The following ARID4B variants were observed in gnomAD, a reference collection of about 807,000 sequenced individuals.
ARID4B encodes the protein AT-rich interaction domain 4B.
In ARID4B, 26 loss-of-function variants were observed where a neutral mutation model predicts 147.5. The ratio of observed to expected loss-of-function variants is 0.18; its 90% CI spans 0.13 to 0.24. The LOEUF (loss-of-function observed/expected upper bound fraction) is 0.24. Among genes scored for constraint, ARID4B ranks in the 10% least tolerant of loss-of-function variants. ARID4B has a pLI of 1.00. For synonymous variants in ARID4B, 512 were observed against 507.9 expected (o/e 1.01, Z -0.11); for missense variants, 1,179 against 1,511.5 (o/e 0.78, Z 3.65).
At chr1:235,215,929 C>T (rs1667043015) in intron 16 of ARID4B, among the ~76,000 whole-genome samples, 2 of 151,770 alleles carry the variant, frequency 1.3e-5, no homozygotes, top group South Asian at 4.2e-4. Flanking sequence ...ACTTCCTCCA[C>T]TGAAAATTTC....
At chr1:235,185,655 G>A (rs373842323) in intron 19 of ARID4B, among the ~76,000 whole-genome samples, 1 of 152,122 alleles carries the variant, frequency 6.6e-6, no homozygotes, top group East Asian at 1.9e-4. Flanking sequence ...AATATTCATC[G>A]TCCTTACTTA....
At chr1:235,201,750 G>T (rs950307513) in intron 17 of ARID4B, among the ~76,000 whole-genome samples, 1 of 152,018 alleles carries the variant, frequency 6.6e-6, no homozygotes, top group African/African-American at 2.4e-5. Context: ...TGGGCACGGT[G>T]GCGCATGTCT....
At position 235,167,703 on chromosome 1, in the gene ARID4B, CTGTTA is replaced by C. The variant is rs1663054357; in HGVS notation, c.*817_*821del. On this transcript the variant is annotated 3_prime_UTR_variant, in exon 24 of 24. Coordinates refer to ENST00000264183, the MANE Select transcript of ARID4B (RefSeq NM_016374.6). ...TTTACAAGAAAACACAAAAATATAA[CTGTTA>C]TAATTCATTATGAATAAATATACAC... 5.0e-6 allele frequency: 1 copy of C among 200,112 alleles called. No individual in the cohort carries two copies. Among genetic ancestry groups the C allele is most frequent in the African/African-American group, 2.3e-5 (1 of 43,474 alleles). The allele number at this position is 200,112 out of a possible 1,614,324, so 12.4% of individuals were successfully genotyped here.
intron 2 of ARID4B, among the ~76,000 whole-genome samples, chr1:235,281,837 A>G (rs531935890): frequency 1.3e-3 from 205 of 152,372 alleles, no homozygotes; most frequent in Non-Finnish European, 1.5e-3. Context: ...TTCTTTATAC[A>G]ATTCAGAAGA....
In ARID4B at chr1:235,281,321, C is replaced by A. The variant is rs565634697; in HGVS notation, c.7-20569G>T. Among the ~76,000 whole-genome samples, 4 of 152,184 alleles carry A rather than the reference C, an allele frequency of 2.6e-5. No homozygotes were observed. In the South Asian group the frequency reaches 6.2e-4, roughly 24 times the overall value. ...ATCTCAGCACTTTGGGAGGCTGAGG[C>A]GGGTGGCTCACCTGAGGTAAGGAGT... is the stretch of plus-strand genomic sequence containing the variant. On this transcript the variant is annotated intron_variant, in intron 2 of 23. Transcript: ENST00000264183.
chr1:235,254,589 T>C (rs1422110743), intron 5 of ARID4B, among the ~76,000 whole-genome samples: 1 of 151,808 alleles, frequency 6.6e-6, no homozygotes, highest in Non-Finnish European at 1.5e-5. Context: ...AAGGTGACCA[T>C]ACAAAAACTG....
chr1:235,246,964 C>T (rs1379862025), intron 6 of ARID4B, among the ~76,000 whole-genome samples: 2 of 152,142 alleles, frequency 1.3e-5, no homozygotes, highest in Non-Finnish European at 2.9e-5. Context: ...GATAAAGCAT[C>T]AATCGCACGA....
At chr1:235,285,869 G>A (rs1671936378) in intron 2 of ARID4B, among the ~76,000 whole-genome samples, 1 of 152,208 alleles carries the variant, frequency 6.6e-6, no homozygotes, top group African/African-American at 2.4e-5. Flanking sequence ...AGATCTGGCA[G>A]AGAGTTCTCA....
Position 235,229,243 on chromosome 1 carries a change from G to A in ARID4B, c.885C>T (p.Ser295=). 6.2e-7 allele frequency: 1 copy of A among 1,610,588 alleles called. No homozygotes were observed. Among genetic ancestry groups the A allele is most frequent in the Non-Finnish European group, 8.5e-7 (1 of 1,177,874 alleles). ...TGTTTTCACTTACTTCTTCTTCACT[G>A]CTATTATCCTCCTTTTCTTTTTCAT... The part of the protein sequence containing the change: ...EDDEKEKEDN[S]SEEEEEIEPF... Residue 295 remains serine (S), a synonymous_variant, in exon 11 of 24, where the codon AGC becomes AGT. Transcript: ENST00000264183.
intron 17 of ARID4B, among the ~76,000 whole-genome samples, chr1:235,198,592 T>C (rs1393191119): frequency 2.0e-5 from 3 of 152,208 alleles, no homozygotes; most frequent in Non-Finnish European, 4.4e-5. Context: ...TCCTATATGG[T>C]AATCATGTTC....
At position 235,181,806 on chromosome 1, in the gene ARID4B, C is replaced by T. The variant is rs776105164; in HGVS notation, c.3113G>A (p.Gly1038Asp). Reference sequence around the variant, plus strand: ...TGTTACAGAAGACTGCTGCCGGCTGCCTTCTGTTACAGTGACTGATGAAGG... The same window carrying T: ...TGTTACAGAAGACTGCTGCCGGCTGTCTTCTGTTACAGTGACTGATGAAGG... ...ESPSSVTVTEGSRQQSSVTVS... is the reference protein window; with the variant it reads ...ESPSSVTVTEDSRQQSSVTVS... Residue 1038 changes from glycine (G) to aspartate (D), a missense_variant, in exon 20 of 24, where the codon GGC becomes GAC. Physicochemically the swap from Gly to Asp is moderately conservative, Grantham distance 94. Around this residue, in one of 10 missense-constraint regions of ARID4B, gnomAD observed 357 missense variants for 427.3 expected, o/e 0.84. Coordinates refer to ENST00000264183, the MANE Select transcript of ARID4B (RefSeq NM_016374.6). 5.6e-6 allele frequency: 9 copies of T among 1,614,056 alleles called. No homozygotes were observed. The Admixed American group carries it at 1.2e-4, about 21-fold the overall frequency.
At position 235,181,990 on chromosome 1, in the gene ARID4B, T is replaced by C. The variant is rs774009654; in HGVS notation, c.2929A>G (p.Ser977Gly). The C allele has an allele frequency of 1.7e-5, 28 of 1,614,038 alleles. 1 individual carries two copies. The South Asian group carries it at 3.1e-4, about 18-fold the overall frequency. Residue 977 changes from serine (S) to glycine (G), a missense_variant, in exon 20 of 24, where the codon AGT (serine) becomes GGT (glycine). By Grantham distance (56) the Ser-to-Gly change is moderately conservative. Coordinates refer to ENST00000264183, the MANE Select transcript of ARID4B (RefSeq NM_016374.6). Reference protein sequence around the residue: ...ESLQTVAEEESCSPSVELEKP... With the variant: ...ESLQTVAEEEGCSPSVELEKP... ...TCTAGTTCTACACTGGGTGAACAAC[T>C]CTCCTCTTCAGCCACAGTCTGCAGT...
chr1:235,194,383 A>AT (rs1202292782), intron 18 of ARID4B, among the ~76,000 whole-genome samples, 172 bp from the exon 19 acceptor site: 2 of 152,082 alleles, frequency 1.3e-5, no homozygotes, highest in African/African-American at 4.8e-5. Flanking sequence ...TACTTAACAA[A>AT]ATACTACACA....
intron 5 of ARID4B, among the ~76,000 whole-genome samples, chr1:235,253,470 G>C (rs1053379781): frequency 6.6e-5 from 10 of 152,148 alleles, no homozygotes; most frequent in African/African-American, 2.4e-4. Context: ...TTGAAAACTA[G>C]CGACTTAAAA....
At chr1:235,185,882 G>A (rs1664638249) in intron 19 of ARID4B, among the ~76,000 whole-genome samples, 1 of 150,188 alleles carries the variant, frequency 6.7e-6, no homozygotes. Flanking sequence ...GATGTACTAC[G>A]GTATGACTCT....
At chr1:235,169,673 T>C (rs1276412209) in intron 23 of ARID4B, among the ~76,000 whole-genome samples, 4 of 151,566 alleles carry the variant, frequency 2.6e-5, no homozygotes, top group African/African-American at 9.7e-5. Context: ...TTTTTTTTTT[T>C]CCTTTGAGAT....
At chr1:235,173,754 AAAAAAAAAAAAAAAAAAATATAT>A (rs1468395443) in intron 22 of ARID4B, among the ~76,000 whole-genome samples, 8 of 40,666 alleles carry the variant, frequency 2.0e-4, no homozygotes, top group Non-Finnish European at 2.8e-4. Context: ...AAAAAAAAAA[AAAAAAAAAAAAAAAAAAATATAT>A]ATATATATAT....
intron 7 of ARID4B, among the ~76,000 whole-genome samples, chr1:235,242,648 T>C (rs1669062896): frequency 1.3e-5 from 2 of 152,228 alleles, no homozygotes; most frequent in Non-Finnish European, 2.9e-5. Context: ...TGGGCTTTAT[T>C]TGACTAACAA....
chr1:235,294,311 A>ATT lies in ARID4B; in HGVS notation c.6+32601_6+32602dup, dbSNP rs5781824. Reference sequence around the variant, plus strand: ...GAATAATGATATGCAAACCAGCAGCATTTTTTTTTTTTTTTTTTTGAGACA... The same window carrying ATT: ...GAATAATGATATGCAAACCAGCAGCATTTTTTTTTTTTTTTTTTTTTGAGACA... On this transcript the variant is annotated intron_variant, in intron 2 of 23. Transcript: ENST00000264183. Among the ~76,000 whole-genome samples, 972 of 114,082 alleles carry ATT rather than the reference A, an allele frequency of 8.5e-3. 62 individuals are homozygous for ATT. Among genetic ancestry groups the ATT allele is most frequent in the African/African-American group, 0.025 (761 of 30,950 alleles). 74.8% of individuals were successfully genotyped at this position (114,082 alleles called of 152,430 possible).
Sources: gnomAD v4.1 joint callset for allele counts (sites outside exome capture counted in the v4.1 genomes callset) on GRCh38, gnomAD v4.1.1 for gene constraint, gnomAD v4.1.1 regional missense constraint, MANE v1.5 for transcripts, NCBI Gene and HGNC (gene_info 2026-07-23, HGNC 2026-07-21) for gene names.